Variants in ABCA12 observed in about 807,000 individuals in gnomAD.
ABCA12 encodes glucosylceramide transporter ABCA12.
ABCA12 carries 156 observed loss-of-function variants against 293.5 expected under a neutral mutation model. That is an observed-to-expected ratio of 0.53 (90% CI 0.47 to 0.61). ABCA12 has a LOEUF of 0.61. ABCA12 is among the 20% of genes least tolerant of loss of function. The probability of loss-of-function intolerance (pLI) is 0.00; values close to 1 mark genes in which losing one functional copy is unlikely to be tolerated. For synonymous variants in ABCA12, 1,063 were observed against 1,108.0 expected (o/e 0.96, Z 0.81); for missense variants, 2,797 against 3,090.2 (o/e 0.91, Z 2.25).
chr2:214,965,279 A>G (rs563372758), intron 39 of ABCA12, among the ~76,000 whole-genome samples: 15 of 152,338 alleles, frequency 9.8e-5, no homozygotes, highest in African/African-American at 2.4e-4. Context: ...AAAACCCTAG[A>G]AGAAAATCTA....
chr2:215,019,901 T>G, intron 11 of ABCA12, 105 bp from the exon 12 acceptor site: 1 of 1,377,372 alleles, frequency 7.3e-7, no homozygotes, highest in Non-Finnish European at 1.0e-6. Flanking sequence ...AGAAAAACAT[T>G]CTGCCTATGT....
chr2:214,951,752 G>A (rs151202714), intron 44 of ABCA12, among the ~76,000 whole-genome samples: 3,406 of 152,134 alleles, frequency 0.022, 140 homozygotes, highest in African/African-American at 0.078. Context: ...GCAAGACTCC[G>A]TCTCAAAAAA....
intron 40 of ABCA12, 128 bp downstream of exon 40, chr2:214,958,896 G>T: frequency 2.9e-6 from 3 of 1,046,476 alleles, no homozygotes; most frequent in Non-Finnish European, 4.5e-6. Flanking sequence ...ATCCCAGTCA[G>T]TGACATATTA....
intron 45 of ABCA12, among the ~76,000 whole-genome samples, chr2:214,950,005 T>C (rs189986786): frequency 3.9e-5 from 6 of 152,298 alleles, no homozygotes; most frequent in Admixed American, 6.5e-5. Flanking sequence ...TTCTAACCTT[T>C]GGATCCAAAG....
chr2:214,991,151 A>G, intron 23 of ABCA12, 120 bp from the exon 24 acceptor site: 1 of 885,444 alleles, frequency 1.1e-6, no homozygotes, highest in Non-Finnish European at 1.8e-6. Context: ...AGGCATTTTA[A>G]TAATTTACAT....
Position 215,019,588 on chromosome 2 carries a change from C to G in ABCA12, c.1496G>C (p.Arg499Thr), listed in dbSNP as rs761962371. 28 of 1,614,070 alleles carry G rather than the reference C, an allele frequency of 1.7e-5. No individual in the cohort carries two copies. The South Asian group carries it at 2.1e-4, about 12-fold the overall frequency. The change falls in exon 12 of 53, where the codon AGA becomes ACA. Residue 499 changes from arginine to threonine, a missense_variant. By Grantham distance (71) the Arg-to-Thr change is moderately conservative (BLOSUM62 -1). Transcript: ENST00000272895. ...GCTTGGATCTCCAGTCAGCAAATCT[C>G]TCACTTTTTTAGATATGACATTGTC... is the stretch of plus-strand genomic sequence containing the variant. ...YHDNVISKKV[R>T]DLLTGDPSKI...
intron 36 of ABCA12, 103 bp downstream of exon 36, chr2:214,973,846 A>C: frequency 2.0e-6 from 2 of 1,016,508 alleles, no homozygotes; most frequent in Non-Finnish European, 3.1e-6. Context: ...GCTTCCATAA[A>C]ATGAACTTAT....
rs745415552 is a variant in ABCA12 at position 215,019,783 on chromosome 2, C to T, written c.1301G>A (p.Arg434Gln). The change falls in exon 12 of 53, where the codon CGA becomes CAA. Residue 434 changes from arginine (R) to glutamine (Q), a missense_variant. Transcript: ENST00000272895. ...EVLKSKLSQL[R>Q]NLTELLCESE... Reference sequence around the variant, plus strand: ...TTCACAAAGAAGTTCGGTCAAGTTTCGAAGTTGAGACAGCTTTCCAAAAAG... The same window carrying T: ...TTCACAAAGAAGTTCGGTCAAGTTTTGAAGTTGAGACAGCTTTCCAAAAAG... 9.9e-6 allele frequency: 16 copies of T among 1,612,178 alleles called. No individual in the cohort carries two copies. Among genetic ancestry groups the T allele is most frequent in the Non-Finnish European group, 1.2e-5 (14 of 1,180,010 alleles).
chr2:215,081,823 C>T (rs1382678472), intron 2 of ABCA12, among the ~76,000 whole-genome samples: 1 of 152,046 alleles, frequency 6.6e-6, no homozygotes, highest in Non-Finnish European at 1.5e-5. Context: ...ACAAGATTGA[C>T]AATGAAGTTT....
intron 3 of ABCA12, among the ~76,000 whole-genome samples, chr2:215,061,842 G>C (rs1701534471): frequency 6.6e-6 from 1 of 151,966 alleles, no homozygotes; most frequent in Non-Finnish European, 1.5e-5. Flanking sequence ...AACCAACTCA[G>C]TGTCTCATCT....
chr2:214,998,812 A>C (rs1046294900), intron 22 of ABCA12, among the ~76,000 whole-genome samples: 3 of 152,126 alleles, frequency 2.0e-5, no homozygotes, highest in African/African-American at 7.2e-5. Context: ...CATGGTTCTG[A>C]CAATTGATGC....
At chr2:215,034,357 C>T (rs943814606) in intron 8 of ABCA12, among the ~76,000 whole-genome samples, 2 of 152,086 alleles carry the variant, frequency 1.3e-5, no homozygotes, top group Admixed American at 6.5e-5. Flanking sequence ...TGTGCTCATA[C>T]GTCAGGGTGG....
At chr2:215,078,105 T>A (rs1701867728) in intron 2 of ABCA12, among the ~76,000 whole-genome samples, 1 of 152,222 alleles carries the variant, frequency 6.6e-6, no homozygotes, top group African/African-American at 2.4e-5. Context: ...ATTCCCAAGA[T>A]CTCTCTTCTC....
chr2:214,933,967 A>C, intron 52 of ABCA12, 111 bp downstream of exon 52: 1 of 1,157,604 alleles, frequency 8.6e-7, no homozygotes, highest in Non-Finnish European at 1.3e-6. Context: ...GTGCAAGACT[A>C]GATATTAATT....
At chr2:215,054,136 T>C (rs1208921793) in intron 4 of ABCA12, among the ~76,000 whole-genome samples, 1 of 152,118 alleles carries the variant, frequency 6.6e-6, no homozygotes, top group Non-Finnish European at 1.5e-5. Flanking sequence ...TAATGCCAGC[T>C]CTGCTGTATG....
chr2:215,061,307 C>T (rs994858770), intron 3 of ABCA12, among the ~76,000 whole-genome samples: 6 of 151,980 alleles, frequency 3.9e-5, no homozygotes, highest in Non-Finnish European at 7.4e-5. Flanking sequence ...TGGTGCCAGA[C>T]GCAAAATCAC....
chr2:215,081,499 GAAAAAAGAA>G (rs1189042458), intron 2 of ABCA12, among the ~76,000 whole-genome samples: 158 of 104,030 alleles, frequency 1.5e-3, no homozygotes, highest in Middle Eastern at 4.5e-3. Context: ...AAAAGAAAAA[GAAAAAAGAA>G]AAAGAAAAAA....
At chr2:215,133,736 G>A (rs1450316932) in intron 1 of ABCA12, among the ~76,000 whole-genome samples, 3 of 151,784 alleles carry the variant, frequency 2.0e-5, no homozygotes, top group East Asian at 1.9e-4. Flanking sequence ...CATTTCTTTG[G>A]CAATACAATT....
chr2:215,035,019 G>A (rs1700961541), intron 8 of ABCA12, among the ~76,000 whole-genome samples: 3 of 152,182 alleles, frequency 2.0e-5, no homozygotes, highest in Admixed American at 6.5e-5. Flanking sequence ...GACTAAGAAT[G>A]AGGTGGCCTG....
Sources: allele counts gnomAD v4.1 joint callset (sites outside exome capture counted in the v4.1 genomes callset), GRCh38; gene constraint gnomAD v4.1.1; transcripts MANE v1.5; gene names NCBI Gene and HGNC (gene_info 2026-07-23, HGNC 2026-07-21).